The following HLX variants were observed in gnomAD, a reference collection of about 807,000 sequenced individuals.
HLX encodes H2.0-like homeobox protein.
In HLX, 6 loss-of-function variants were observed where a neutral mutation model predicts 27.7. The observed-to-expected ratio is 0.22, with a 90% CI of 0.12 to 0.43. HLX has a LOEUF of 0.43. HLX is among the 20% of genes least tolerant of loss of function. The pLI is 1.00. For missense variants in HLX, 666 were observed against 655.2 expected (o/e 1.02, Z -0.18); for synonymous variants, 328 against 293.8 (o/e 1.12, Z -1.19).
rs2102643332 is a variant in HLX at position 220,884,049 on chromosome 1, A to G, written c.958-146A>G. 2.5e-6 allele frequency: 2 copies of G among 809,830 alleles called. No homozygotes were observed. The highest frequency in any genetic ancestry group is 2.6e-5 in the East Asian group (1 of 38,104). 50.2% of individuals were successfully genotyped at this position (809,830 alleles called of 1,614,324 possible). ...CTGCCCCTTGGCTCCTGCGCCTACC[A>G]CAGTGTCTGGTCCTTGGTAGAGTCG... On this transcript the variant is annotated intron_variant, in intron 3 of 3. Coordinates refer to ENST00000366903, the MANE Select transcript of HLX (RefSeq NM_021958.4). This position sits in a 1 kb window ranked among gnomAD's most constrained non-coding sequence, Gnocchi z 4.9.
At chr1:220,881,665 C>CA in intron 2 of HLX, 1 of 505,588 alleles carries the variant, frequency 2.0e-6, no homozygotes, top group South Asian at 2.1e-5. Context: ...AAAAATGCAG[C>CA]ATCAATGTTG....
At chr1:220,882,079 C>T in intron 2 of HLX, 85 bp from the exon 3 acceptor site, 1 of 1,292,870 alleles carries the variant, frequency 7.7e-7, no homozygotes, top group East Asian at 2.3e-5. Context: ...TCAAGCCTTA[C>T]GGGGACCCCC....
At chr1:220,880,990 A>G (rs2102641675) in intron 1 of HLX, 1 of 611,934 alleles carries the variant, frequency 1.6e-6, no homozygotes, top group Non-Finnish European at 3.0e-6. Context: ...ATACATGCAT[A>G]TGGACGTGAG....
chr1:220,880,670 C>T lies in HLX; in HGVS notation c.592+221C>T, dbSNP rs564721313. ...TGACTCCAGGGATTCTTTAAAAACACGTCTTAGAATCAATATTTATAAAAG... is the reference window on the plus strand; with the variant it reads ...TGACTCCAGGGATTCTTTAAAAACATGTCTTAGAATCAATATTTATAAAAG... On this transcript the variant is annotated intron_variant, in intron 1 of 3. Coordinates refer to ENST00000366903, the MANE Select transcript of HLX (RefSeq NM_021958.4). 39 of 600,480 alleles carry T rather than the reference C, an allele frequency of 6.5e-5. No homozygotes were observed. The African/African-American group carries it at 6.7e-4, about 10-fold the overall frequency. The allele number at this position is 600,480 out of a possible 1,614,324, so 37.2% of individuals were successfully genotyped here. A position where few individuals can be genotyped will look rare whatever the true frequency, so the allele number is the denominator to read the frequency against.
chr1:220,881,567 G>T (rs1674444039), intron 2 of HLX, 194 bp downstream of exon 2: 5 of 640,790 alleles, frequency 7.8e-6, no homozygotes, highest in Middle Eastern at 4.1e-4. Context: ...CTTGAAAAGG[G>T]GTAGAGGCGC....
rs1674516991 is a variant in HLX, at chr1:220,884,170, T to C, written c.958-25T>C. 1 of 1,613,102 alleles carries C rather than the reference T, an allele frequency of 6.2e-7. No homozygotes were observed. Among genetic ancestry groups the C allele is most frequent in the Non-Finnish European group, 8.5e-7 (1 of 1,179,620 alleles). On this transcript the variant is annotated intron_variant, in intron 3 of 3. Coordinates refer to ENST00000366903, the MANE Select transcript of HLX (RefSeq NM_021958.4). The surrounding 1 kb of genome is among the most constrained non-coding windows in gnomAD (Gnocchi z 4.9). ...TGGGTCTCATCTCGGTGTCTCTTCTTGTCTCCCGGTGTGGCGCGGCGCAGG... is the reference window on the plus strand; with the variant it reads ...TGGGTCTCATCTCGGTGTCTCTTCTCGTCTCCCGGTGTGGCGCGGCGCAGG...
At chr1:220,882,042 G>A (rs1227526584) in intron 2 of HLX, 122 bp from the exon 3 acceptor site, 1 of 867,468 alleles carries the variant, frequency 1.2e-6, no homozygotes, top group East Asian at 2.5e-5. Context: ...GAATGAGGGT[G>A]GAATCGACAG....
rs768576219 is a variant in HLX, at chr1:220,884,918, G to A, written c.*214G>A. 3 of 716,750 alleles carry A rather than the reference G, an allele frequency of 4.2e-6. No individual in the cohort carries two copies. The highest frequency in any genetic ancestry group is 6.7e-6 in the Non-Finnish European group (3 of 447,164). The allele number at this position is 716,750 out of a possible 1,614,324, so 44.4% of individuals were successfully genotyped here. On this transcript the variant is annotated 3_prime_UTR_variant, in exon 4 of 4. Coordinates refer to ENST00000366903, the MANE Select transcript of HLX (RefSeq NM_021958.4). The surrounding 1 kb of genome is among the most constrained non-coding windows in gnomAD (Gnocchi z 4.9). Reference sequence around the variant, plus strand: ...AGTCTCAGTGTCCTGCTAGCCAGCCGAACACTTCTCTCCGGAAGCAGGCTG... The same window carrying A: ...AGTCTCAGTGTCCTGCTAGCCAGCCAAACACTTCTCTCCGGAAGCAGGCTG...
At chr1:220,882,410 C>A in intron 3 of HLX, 62 bp downstream of exon 3, 2 of 1,491,008 alleles carry the variant, frequency 1.3e-6, no homozygotes, top group South Asian at 1.2e-5. Context: ...ACGGCCTAGT[C>A]TGGTAGGTCC....
rs1248927297 is a variant in HLX at position 220,884,540 on chromosome 1, A to C, written c.1303A>C (p.Ser435Arg). 20 of 1,609,562 alleles carry C rather than the reference A, an allele frequency of 1.2e-5. No individual in the cohort carries two copies. Among genetic ancestry groups the C allele is most frequent in the Non-Finnish European group, 1.6e-5 (19 of 1,177,996 alleles). Residue 435 changes from serine to arginine, a missense_variant, in exon 4 of 4, where the codon AGC becomes CGC. By Grantham distance (110) the Ser-to-Arg change is moderately radical (BLOSUM62 -1). Coordinates refer to ENST00000366903, the MANE Select transcript of HLX (RefSeq NM_021958.4). The surrounding 1 kb of genome is among the most constrained non-coding windows in gnomAD (Gnocchi z 4.9). The stretch of plus-strand genomic sequence containing the variant: ...CAGCGGCGGCGGCGGCAATAGTTTC[A>C]GCTTCAGCAGCGCCAGCAGTCTTAG... ...GSSGGGGNSF[S>R]FSSASSLSSS...
In HLX at chr1:220,881,953, C is replaced by A. The variant is rs1183247933; in HGVS notation, c.773-211C>A. ...CAAGCCGCCAGGCTTCTCCACTCCA[C>A]GCTCGCTTTAGGTCTTCCGACTGTC... On this transcript the variant is annotated intron_variant, in intron 2 of 3. Coordinates refer to ENST00000366903, the MANE Select transcript of HLX (RefSeq NM_021958.4). The A allele has an allele frequency of 5.6e-5, 37 of 656,422 alleles. No homozygotes were observed. In the East Asian group the frequency reaches 7.6e-4, roughly 13 times the overall value. 40.7% of individuals were successfully genotyped at this position (656,422 alleles called of 1,614,324 possible). A position where few individuals can be genotyped will look rare whatever the true frequency, so the allele number is the denominator to read the frequency against.
rs769329357 is a variant in HLX, at chr1:220,884,148, G to C, written c.958-47G>C. The C allele has an allele frequency of 2.5e-6, 4 of 1,600,022 alleles. No individual in the cohort carries two copies. The Admixed American group carries it at 6.7e-5, about 27-fold the overall frequency. On this transcript the variant is annotated intron_variant, in intron 3 of 3. Transcript: ENST00000366903. The surrounding 1 kb of genome is among the most constrained non-coding windows in gnomAD (Gnocchi z 4.9). Reference sequence around the variant, plus strand: ...GCGAGTCGGATAGGAGCAAACCTGGGTCTCATCTCGGTGTCTCTTCTTGTC... The same window carrying C: ...GCGAGTCGGATAGGAGCAAACCTGGCTCTCATCTCGGTGTCTCTTCTTGTC...
At chr1:220,882,141 C>G (rs752173227) in intron 2 of HLX, 23 bp from the exon 3 acceptor site, 1 of 1,613,312 alleles carries the variant, frequency 6.2e-7, no homozygotes, top group African/African-American at 1.3e-5. Context: ...TCTTTCTTCC[C>G]TCTGGCTCCC....
chr1:220,882,121 G>A (rs2247213), intron 2 of HLX, 43 bp from the exon 3 acceptor site: 526,279 of 1,593,360 alleles, frequency 0.33, 89,900 homozygotes, highest in African/African-American at 0.45. Flanking sequence ...GACACTGAAC[G>A]GCCCTCTTGT....
At chr1:220,880,832 C>T in intron 1 of HLX, 1 of 385,818 alleles carries the variant, frequency 2.6e-6, no homozygotes, top group South Asian at 4.0e-5. Context: ...AAAATTTCAC[C>T]CAGGAAATGT....
chr1:220,882,994 A>G (rs1309079586), intron 3 of HLX: 2 of 152,372 alleles, frequency 1.3e-5, no homozygotes, highest in South Asian at 2.1e-4. Context: ...GCATTTCAGC[A>G]GGTTCTGCCT....
Position 220,884,514 on chromosome 1 carries a change from G to A in HLX, c.1277G>A (p.Ser426Asn). The change falls in exon 4 of 4, where the codon AGC becomes AAC. Residue 426 changes from serine (S) to asparagine (N), a missense_variant. Physicochemically the swap from Ser to Asn is conservative, Grantham distance 46. Coordinates refer to ENST00000366903, the MANE Select transcript of HLX (RefSeq NM_021958.4). The surrounding 1 kb of genome is among the most constrained non-coding windows in gnomAD (Gnocchi z 4.9). ...GCCAGCAGTGCTGGGAGTGGTGGGA[G>A]CAGCGGCGGCGGCGGCAATAGTTTC... ...ITASSAGSGGSSGGGGNSFSF... is the reference protein window; with the variant it reads ...ITASSAGSGGNSGGGGNSFSF... 6.2e-7 allele frequency: 1 copy of A among 1,612,372 alleles called. No homozygotes were observed. The highest frequency in any genetic ancestry group is 8.5e-7 in the Non-Finnish European group (1 of 1,178,824).
intron 3 of HLX, chr1:220,883,305 A>G (rs1301953739): frequency 6.7e-6 from 1 of 149,956 alleles, no homozygotes; most frequent in Admixed American, 6.6e-5. Flanking sequence ...ACACACACAC[A>G]CACACACACA....
Position 220,879,740 on chromosome 1 carries a change from G to A in HLX, c.-118G>A, listed in dbSNP as rs1014360756. On this transcript the variant is annotated 5_prime_UTR_variant, in exon 1 of 4. Transcript: ENST00000366903. ...TCTCTTCCTCAGTGCGGGCGGAGAA[G>A]CGAAAGCGGATCGTCCTCGGCTGCC... The A allele has an allele frequency of 2.1e-6, 3 of 1,411,436 alleles. No individual in the cohort carries two copies. Among genetic ancestry groups the A allele is most frequent in the Non-Finnish European group, 2.8e-6 (3 of 1,085,326 alleles). The allele number at this position is 1,411,436 out of a possible 1,614,324, so 87.4% of individuals were successfully genotyped here. A position where few individuals can be genotyped will look rare whatever the true frequency, so the allele number is the denominator to read the frequency against.
Sources: gnomAD v4.1 joint callset for allele counts on GRCh38, gnomAD v4.1.1 for gene constraint, Gnocchi (gnomAD v3.1) non-coding constraint, MANE v1.5 for transcripts, NCBI Gene and HGNC (gene_info 2026-07-23, HGNC 2026-07-21) for gene names.